Variants in MRAP2 observed in about 807,000 individuals in gnomAD.
MRAP2 encodes the protein melanocortin 2 receptor accessory protein 2, also known as melanocortin-2 receptor accessory protein 2.
A neutral mutation model predicts 17.4 loss-of-function variants in MRAP2; 20 were observed. The ratio of observed to expected loss-of-function variants is 1.15; its 90% confidence interval spans 0.81 to 1.67. MRAP2 has a LOEUF of 1.67. MRAP2 is among the 40% of genes most tolerant of loss of function. The pLI is 0.00. For missense variants in MRAP2, 238 were observed against 240.0 expected (o/e 0.99, Z 0.05); for synonymous variants, 96 against 88.4 (o/e 1.09, Z -0.48).
the MRAP2 span, among the ~76,000 whole-genome samples, chr6:84,137,998 T>C: frequency 6.6e-6 from 1 of 152,236 alleles, no homozygotes. Context: ...AAACATCCTT[T>C]CAGATTTCTA....
chr6:84,057,385 T>C (rs1199399909), intron 2 of MRAP2, among the ~76,000 whole-genome samples: 1 of 152,200 alleles, frequency 6.6e-6, no homozygotes, highest in Non-Finnish European at 1.5e-5. Context: ...TTTATTTGCC[T>C]TACCTGTAAT....
chr6:84,056,487 AT>A (rs1453397632), intron 2 of MRAP2, among the ~76,000 whole-genome samples: 2 of 152,196 alleles, frequency 1.3e-5, no homozygotes, highest in Non-Finnish European at 2.9e-5. Context: ...AAATACTTTC[AT>A]TCATTCCTTT....
chr6:84,106,748 A>T, the MRAP2 span, among the ~76,000 whole-genome samples: 1 of 152,124 alleles, frequency 6.6e-6, no homozygotes, highest in African/African-American at 2.4e-5. Context: ...TAACATACTT[A>T]TGCCTTCGGG....
downstream of MRAP2, among the ~76,000 whole-genome samples, chr6:84,093,500 A>G (rs2099502143): frequency 6.6e-6 from 1 of 152,232 alleles, no homozygotes; most frequent in Admixed American, 6.5e-5. Flanking sequence ...GGATGGAAAT[A>G]CAGATCACCA....
chr6:84,052,108 T>C (rs907968382), intron 1 of MRAP2, among the ~76,000 whole-genome samples: 8 of 152,234 alleles, frequency 5.3e-5, no homozygotes, highest in Non-Finnish European at 2.9e-5. Context: ...GTTTAGGATA[T>C]GTTTCCTGTC....
intron 1 of MRAP2, among the ~76,000 whole-genome samples, chr6:84,035,110 G>A (rs1034710843): frequency 6.6e-6 from 1 of 152,182 alleles, no homozygotes; most frequent in African/African-American, 2.4e-5. Flanking sequence ...AAAAGGAAGA[G>A]TTGCTTCCAG....
At chr6:84,114,365 GAT>G in the MRAP2 span, among the ~76,000 whole-genome samples, 2 of 151,770 alleles carry the variant, frequency 1.3e-5, no homozygotes, top group Non-Finnish European at 2.9e-5. Context: ...CCACTTGATC[GAT>G]TTGACTATTG....
At chr6:84,053,628 T>G (rs2099491001) in intron 1 of MRAP2, among the ~76,000 whole-genome samples, 1 of 152,228 alleles carries the variant, frequency 6.6e-6, no homozygotes, top group Admixed American at 6.5e-5. Flanking sequence ...GCGAGGCTTT[T>G]CTATTCAAGA....
chr6:84,046,125 A>G (rs998270262), intron 1 of MRAP2, among the ~76,000 whole-genome samples: 2 of 152,216 alleles, frequency 1.3e-5, no homozygotes, highest in African/African-American at 2.4e-5. Context: ...CTTGCAGAGG[A>G]CTGCCTTTAT....
intron 2 of MRAP2, chr6:84,062,183 G>A: frequency 1.2e-6 from 1 of 862,706 alleles, no homozygotes; most frequent in Non-Finnish European, 1.4e-6. Flanking sequence ...GGTATGAGCT[G>A]TGACCTAGCT....
At chr6:84,078,480 C>A (rs2099498158) in intron 3 of MRAP2, among the ~76,000 whole-genome samples, 1 of 152,182 alleles carries the variant, frequency 6.6e-6, no homozygotes, top group African/African-American at 2.4e-5. Context: ...TGATTGACAA[C>A]ACCAAATGTT....
At chr6:84,044,830 A>G (rs2099488560) in intron 1 of MRAP2, among the ~76,000 whole-genome samples, 1 of 152,198 alleles carries the variant, frequency 6.6e-6, no homozygotes, top group Non-Finnish European at 1.5e-5. Flanking sequence ...CCTTATTCAC[A>G]TTGTAGTACA....
At chr6:84,140,403 A>C in the MRAP2 span, among the ~76,000 whole-genome samples, 1 of 152,068 alleles carries the variant, frequency 6.6e-6, no homozygotes, top group African/African-American at 2.4e-5. Flanking sequence ...AGAGCAATGA[A>C]GGTCTTTGTT....
At chr6:84,125,834 A>C in the MRAP2 span, among the ~76,000 whole-genome samples, 1 of 152,176 alleles carries the variant, frequency 6.6e-6, no homozygotes, top group Non-Finnish European at 1.5e-5. Flanking sequence ...TTAGCCACCC[A>C]ATTTATGATA....
the MRAP2 span, among the ~76,000 whole-genome samples, chr6:84,117,739 G>A: frequency 6.6e-6 from 1 of 151,868 alleles, no homozygotes; most frequent in Non-Finnish European, 1.5e-5. Flanking sequence ...TAGGGCTGCT[G>A]CAGTTTGCTG....
At chr6:84,117,643 GT>G in the MRAP2 span, among the ~76,000 whole-genome samples, 204 of 119,382 alleles carry the variant, frequency 1.7e-3, 1 homozygote, top group African/African-American at 6.9e-3. Flanking sequence ...TGGATGTGGG[GT>G]GTGTGTCTGT....
chr6:84,080,120 G>A lies in MRAP2; in HGVS notation c.228-8971G>A, dbSNP rs576518167. 1.3e-4 allele frequency among the ~76,000 whole-genome samples: 19 copies of A among 151,830 alleles called. No homozygotes were observed. In the East Asian group the frequency reaches 3.3e-3, roughly 26 times the overall value. On this transcript the variant is annotated intron_variant, in intron 3 of 3. Coordinates refer to ENST00000257776, the MANE Select transcript of MRAP2 (RefSeq NM_138409.4). Reference sequence around the variant, plus strand: ...ATGGTCTTTGCTCACCACAAGCTCCGCCTCCCGGGTTCACGCCATTCTTCT... The same window carrying A: ...ATGGTCTTTGCTCACCACAAGCTCCACCTCCCGGGTTCACGCCATTCTTCT...
At chr6:84,136,412 A>G in the MRAP2 span, among the ~76,000 whole-genome samples, 2 of 152,296 alleles carry the variant, frequency 1.3e-5, no homozygotes, top group Admixed American at 6.5e-5. Flanking sequence ...GGGAATGAGA[A>G]CCACTGAACT....
chr6:84,068,286 T>C (rs9449768), intron 3 of MRAP2, among the ~76,000 whole-genome samples: 9,185 of 152,260 alleles, frequency 0.06, 891 homozygotes, highest in African/African-American at 0.21. Flanking sequence ...TTGGTGACTA[T>C]GGCCTTATAG....
Sources: gnomAD v4.1 joint callset for allele counts (sites outside exome capture counted in the v4.1 genomes callset) on GRCh38, gnomAD v4.1.1 for gene constraint, MANE v1.5 for transcripts, NCBI Gene and HGNC (gene_info 2026-07-23, HGNC 2026-07-21) for gene names.